The following TRPM7 variants were observed in gnomAD, a reference collection of about 807,000 sequenced individuals.
The protein encoded by TRPM7 is transient receptor potential cation channel subfamily M member 7, also known as LTRPC ion channel family member 7.
In TRPM7, 134 loss-of-function variants were observed where a neutral mutation model predicts 229.7. That is an observed-to-expected ratio of 0.58 (90% CI 0.51 to 0.67). TRPM7 has a LOEUF of 0.67. Ranked by LOEUF, TRPM7 falls within the 30% of genes least tolerant of loss-of-function variation. The pLI is 0.00. For missense variants in TRPM7, 1,901 were observed against 2,210.0 expected, an observed-to-expected ratio of 0.86 and a Z score of 2.80; for synonymous variants, 699 against 715.2, an observed-to-expected ratio of 0.98 and a Z score of 0.36.
intron 21 of TRPM7, among the ~76,000 whole-genome samples, chr15:50,600,936 G>T (rs1223485734): frequency 6.6e-6 from 1 of 152,114 alleles, no homozygotes; most frequent in East Asian, 1.9e-4. Context: ...TTCTTAATTG[G>T]GTGTTCTTAT....
chr15:50,615,163 CAAAAAAAAAAAAAAAA>C (rs71124383), intron 13 of TRPM7, among the ~76,000 whole-genome samples: 1 of 94,582 alleles, frequency 1.1e-5, no homozygotes, highest in Non-Finnish European at 2.1e-5. Flanking sequence ...GACTTTGTCT[CAAAAAAAAAAAAAAAA>C]AAAAAAAAAA....
intron 8 of TRPM7, 133 bp from the exon 9 acceptor site, chr15:50,633,125 T>A: frequency 1.4e-6 from 1 of 702,502 alleles, no homozygotes; most frequent in Non-Finnish European, 2.1e-6. Context: ...TTGGGTGGGA[T>A]TATTTCTTCC....
Position 50,624,307 on chromosome 15 carries a change from G to GTTAT in TRPM7, c.1306-8_1306-7insATAA. The GTTAT allele has an allele frequency of 6.4e-7, 1 of 1,572,518 alleles. No homozygotes were observed. The highest frequency in any genetic ancestry group is 2.0e-5 in the Admixed American group (1 of 50,834). ...CTTGTTCCAAGGATCCAACCTAGGAGTATCAAATTTAATAAATACATATTT... is the reference window on the plus strand; with the variant it reads ...CTTGTTCCAAGGATCCAACCTAGGAGTTATTATCAAATTTAATAAATACATATTT... On this transcript the variant is annotated splice_polypyrimidine_tract_variant and splice_region_variant and intron_variant, in intron 11 of 38. Coordinates refer to ENST00000646667, the MANE Select transcript of TRPM7 (RefSeq NM_017672.6).
At chr15:50,684,216 G>C (rs1322029064) in intron 1 of TRPM7, among the ~76,000 whole-genome samples, 1 of 151,406 alleles carries the variant, frequency 6.6e-6, no homozygotes, top group Admixed American at 6.6e-5. Flanking sequence ...GCAGTGGCAG[G>C]ATCTCCGCTT....
rs2060138631 is a variant in TRPM7 at position 50,613,905 on chromosome 15, GAATC to G, written c.1636-68_1636-65del. The G allele has an allele frequency of 3.2e-6, 5 of 1,559,154 alleles. No homozygotes were observed. In the South Asian group the frequency reaches 3.6e-5, roughly 11 times the overall value. On this transcript the variant is annotated intron_variant, in intron 14 of 38. Coordinates refer to ENST00000646667, the MANE Select transcript of TRPM7 (RefSeq NM_017672.6). ...GTGCTGACATGTTATAAAAATTCAA[GAATC>G]AATTTATATATGTGTGCAAATGTGT...
At chr15:50,585,765 T>C (rs1440771708) in intron 28 of TRPM7, among the ~76,000 whole-genome samples, 1 of 152,196 alleles carries the variant, frequency 6.6e-6, no homozygotes, top group Non-Finnish European at 1.5e-5. Flanking sequence ...TTTATAATTA[T>C]TCAACTTTTC....
At chr15:50,586,526 T>A (rs753693639) in intron 27 of TRPM7, 38 bp from the exon 28 acceptor site, 6 of 1,403,426 alleles carry the variant, frequency 4.3e-6, no homozygotes, top group South Asian at 2.4e-5. Context: ...TGAAAATAAT[T>A]GAACTAAATT....
intron 38 of TRPM7, among the ~76,000 whole-genome samples, chr15:50,562,238 G>A (rs995288294): frequency 6.6e-6 from 1 of 152,116 alleles, no homozygotes; most frequent in Non-Finnish European, 1.5e-5. Context: ...AAACATGTCA[G>A]ACTTGTTTTC....
At chr15:50,618,470 T>G (rs1327717062) in intron 13 of TRPM7, among the ~76,000 whole-genome samples, 1 of 151,974 alleles carries the variant, frequency 6.6e-6, no homozygotes, top group African/African-American at 2.4e-5. Context: ...CTTGGGAGGC[T>G]GAGGCAAGAG....
chr15:50,561,381 C>T lies in TRPM7; in HGVS notation c.*297G>A. The T allele has an allele frequency of 3.8e-6, 1 of 264,680 alleles. No individual in the cohort carries two copies. The highest frequency in any genetic ancestry group is 8.4e-5 in the South Asian group (1 of 11,948). The allele number at this position is 264,680 out of a possible 1,614,324, so 16.4% of individuals were successfully genotyped here. The stretch of plus-strand genomic sequence containing the variant: ...TTGTACCACATAAGAGAGAGCATCA[C>T]CCTCATCAAAACAAAGTCAAATGAG... On this transcript the variant is annotated 3_prime_UTR_variant, in exon 39 of 39. Coordinates refer to ENST00000646667, the MANE Select transcript of TRPM7 (RefSeq NM_017672.6).
Position 50,578,568 on chromosome 15 carries a change from T to C in TRPM7, c.4618+71A>G, listed in dbSNP as rs924339203. The C allele has an allele frequency of 2.1e-6, 3 of 1,439,062 alleles. No homozygotes were observed. In the African/African-American group the frequency reaches 4.2e-5, roughly 20 times the overall value. The allele number at this position is 1,439,062 out of a possible 1,614,324, so 89.1% of individuals were successfully genotyped here. On this transcript the variant is annotated intron_variant, in intron 31 of 38. Transcript: ENST00000646667. ...GTCTAAAATATCTTACCTAGAATAATGTGGTGTTTGCTGTAACAGATCATG... is the reference window on the plus strand; with the variant it reads ...GTCTAAAATATCTTACCTAGAATAACGTGGTGTTTGCTGTAACAGATCATG...
intron 1 of TRPM7, among the ~76,000 whole-genome samples, chr15:50,682,626 G>A (rs1293235936): frequency 2.0e-5 from 3 of 150,716 alleles, no homozygotes; most frequent in East Asian, 3.9e-4. Flanking sequence ...AAAATTAACT[G>A]TACCAAAAAG....
intron 28 of TRPM7, 88 bp from the exon 29 acceptor site, chr15:50,583,247 G>T: frequency 1.2e-6 from 1 of 844,816 alleles, no homozygotes; most frequent in Non-Finnish European, 1.8e-6. Flanking sequence ...TCTAGGCACA[G>T]TATAACCTTC....
At chr15:50,634,956 A>G (rs1160066258) in intron 7 of TRPM7, among the ~76,000 whole-genome samples, 1 of 152,174 alleles carries the variant, frequency 6.6e-6, no homozygotes. Context: ...TTGAACTTCT[A>G]ACATTGATTT....
At chr15:50,602,276 T>A (rs912043153) in intron 21 of TRPM7, among the ~76,000 whole-genome samples, 1 of 151,962 alleles carries the variant, frequency 6.6e-6, no homozygotes, top group Admixed American at 6.6e-5. Context: ...AGCAAACTAT[T>A]GCAAGGACAG....
At chr15:50,569,489 C>T (rs888178524) in intron 38 of TRPM7, among the ~76,000 whole-genome samples, 1 of 152,134 alleles carries the variant, frequency 6.6e-6, no homozygotes, top group African/African-American at 2.4e-5. Context: ...GTTAAGGGAC[C>T]TGCTTACATG....
intron 1 of TRPM7, among the ~76,000 whole-genome samples, chr15:50,663,589 C>A (rs1019669024): frequency 2.6e-5 from 4 of 151,676 alleles, no homozygotes; most frequent in Non-Finnish European, 4.4e-5. Flanking sequence ...AATAGTCAAA[C>A]AGGAGGGAAG....
chr15:50,580,850 A>C (rs2054367038), intron 30 of TRPM7, 24 bp downstream of exon 30: 1 of 1,579,008 alleles, frequency 6.3e-7, no homozygotes, highest in South Asian at 1.2e-5. Flanking sequence ...TTCGCAAGCT[A>C]ATGGTAAGAA....
chr15:50,575,748 G>C lies in TRPM7; in HGVS notation c.4711C>G (p.Pro1571Ala). Reference protein sequence around the residue: ...NNLMRLSQSIPFTPVPPRGEP... With the variant: ...NNLMRLSQSIAFTPVPPRGEP... ...CCTCTTGGAGGCACAGGTGTAAATG[G>C]AATGCTCTGTGATAACCTCATCAAG... Residue 1571 changes from proline (P) to alanine (A), a missense_variant, in exon 33 of 39, where the codon CCA becomes GCA. By Grantham distance (27) the Pro-to-Ala change is conservative. Around this residue, in one of 8 missense-constraint regions of TRPM7, gnomAD observed 257 missense variants for 352.0 expected, o/e 0.73. Coordinates refer to ENST00000646667, the MANE Select transcript of TRPM7 (RefSeq NM_017672.6). 6.2e-7 allele frequency: 1 copy of C among 1,612,874 alleles called. No homozygotes were observed. The highest frequency in any genetic ancestry group is 8.5e-7 in the Non-Finnish European group (1 of 1,179,534).
Sources: gnomAD v4.1 joint callset for allele counts (sites outside exome capture counted in the v4.1 genomes callset) on GRCh38, gnomAD v4.1.1 for gene constraint, gnomAD v4.1.1 regional missense constraint, MANE v1.5 for transcripts, NCBI Gene and HGNC (gene_info 2026-07-23, HGNC 2026-07-21) for gene names.